ABCA12: variants seen among roughly 807,000 people sequenced by gnomAD.
ABCA12 encodes glucosylceramide transporter ABCA12.
Under a neutral mutation model 293.5 loss-of-function variants are expected in ABCA12, and 156 were observed. The observed-to-expected ratio is 0.53, with a 90% CI of 0.47 to 0.61. The LOEUF (loss-of-function observed/expected upper bound fraction) is 0.61. Ranked by LOEUF, ABCA12 falls within the 20% of genes least tolerant of loss-of-function variation. The pLI, the probability that ABCA12 is intolerant of heterozygous loss-of-function variation, is 0.00. For synonymous variants in ABCA12, 1,063 were observed against 1,108.0 expected (o/e 0.96, Z 0.81); for missense variants, 2,797 against 3,090.2 (o/e 0.91, Z 2.25).
chr2:214,988,176 T>A (rs1699828775), intron 26 of ABCA12, among the ~76,000 whole-genome samples: 1 of 152,158 alleles, frequency 6.6e-6, no homozygotes, highest in African/African-American at 2.4e-5. Context: ...CAAACAGACA[T>A]GTGTAGACAT....
chr2:215,024,728 C>A (rs142697507), intron 11 of ABCA12, among the ~76,000 whole-genome samples: 1 of 152,248 alleles, frequency 6.6e-6, no homozygotes, highest in East Asian at 1.9e-4. Context: ...ATCTTGCTTG[C>A]CCTGAATAAA....
At chr2:214,978,726 G>GA (rs1401156511) in intron 32 of ABCA12, 78 bp downstream of exon 32, 9 of 1,494,228 alleles carry the variant, frequency 6.0e-6, no homozygotes, top group Middle Eastern at 1.9e-4. Flanking sequence ...AATTTTTTTA[G>GA]AAAAATGGCA....
chr2:215,053,940 C>A (rs887362157), intron 4 of ABCA12, among the ~76,000 whole-genome samples: 1 of 151,992 alleles, frequency 6.6e-6, no homozygotes, highest in Non-Finnish European at 1.5e-5. Context: ...CTGAATCACT[C>A]GCACCTAAGG....
intron 2 of ABCA12, among the ~76,000 whole-genome samples, chr2:215,072,666 G>C (rs1701759771): frequency 6.6e-6 from 1 of 152,206 alleles, no homozygotes; most frequent in Non-Finnish European, 1.5e-5. Context: ...TAAACAAAAT[G>C]TTTTGATTCA....
At chr2:214,978,227 T>G (rs966328669) in intron 33 of ABCA12, 89 bp downstream of exon 33, 7 of 1,494,756 alleles carry the variant, frequency 4.7e-6, no homozygotes, top group African/African-American at 4.2e-5. Flanking sequence ...ACTTTAGAGT[T>G]GAATTTTTAA....
chr2:215,007,098 C>A (rs1700272102), intron 19 of ABCA12, among the ~76,000 whole-genome samples: 1 of 152,124 alleles, frequency 6.6e-6, no homozygotes, highest in Non-Finnish European at 1.5e-5. Context: ...TGGTCTTGAA[C>A]TCCCGACCTC....
Position 215,026,702 on chromosome 2 carries a change from T to C in ABCA12, c.1180+118A>G, listed in dbSNP as rs953700988. 7.1e-6 allele frequency: 6 copies of C among 844,480 alleles called. No homozygotes were observed. The South Asian group carries it at 8.0e-5, about 11-fold the overall frequency. 52.3% of individuals were successfully genotyped at this position (844,480 alleles called of 1,614,324 possible). A position where few individuals can be genotyped will look rare whatever the true frequency, so the allele number is the denominator to read the frequency against. ...ATCACCAGACTGAAACTGATGCATA[T>C]GGAAACTAAGATTTTACAAATTTTC... On this transcript the variant is annotated intron_variant, in intron 10 of 52. Coordinates refer to ENST00000272895, the MANE Select transcript of ABCA12 (RefSeq NM_173076.3).
chr2:215,100,914 T>A (rs1702344939), intron 2 of ABCA12, among the ~76,000 whole-genome samples: 1 of 152,216 alleles, frequency 6.6e-6, no homozygotes, highest in Non-Finnish European at 1.5e-5. Flanking sequence ...CTGGGTTCCC[T>A]GGGCATGTAA....
chr2:214,990,050 G>A (rs2105975865), intron 24 of ABCA12, among the ~76,000 whole-genome samples: 1 of 152,268 alleles, frequency 6.6e-6, no homozygotes, highest in South Asian at 2.1e-4. Flanking sequence ...TCAGTTGATT[G>A]AATATTGATA....
chr2:214,945,242 A>T, intron 48 of ABCA12, 138 bp from the exon 49 acceptor site: 1 of 696,190 alleles, frequency 1.4e-6, no homozygotes, highest in Non-Finnish European at 2.5e-6. Flanking sequence ...TATACTTAAT[A>T]GACTTCTTTC....
chr2:214,989,061 C>T (rs1699850403), intron 26 of ABCA12, among the ~76,000 whole-genome samples: 1 of 149,462 alleles, frequency 6.7e-6, no homozygotes, highest in African/African-American at 2.5e-5. Context: ...TGCCTATAAT[C>T]CCAGCTACTT....
Position 215,134,526 on chromosome 2 carries a change from A to ATGTATATATGTACATATATG in ABCA12, c.69+3613_69+3614insCATATATGTACATATATACA. Among the ~76,000 whole-genome samples, 154 of 137,130 alleles carry ATGTATATATGTACATATATG rather than the reference A, an allele frequency of 1.1e-3. 6 individuals carry two copies. Among genetic ancestry groups the ATGTATATATGTACATATATG allele is most frequent in the African/African-American group, 4.2e-3 (144 of 33,982 alleles). The allele number at this position is 137,130 out of a possible 152,430, so 90.0% of individuals were successfully genotyped here. A position where few individuals can be genotyped will look rare whatever the true frequency, so the allele number is the denominator to read the frequency against. ...TATGCGTATGTATATGTGTATATAT[A>ATGTATATATGTACATATATG]CGTATATATGTACATATATACGTAT... On this transcript the variant is annotated intron_variant, in intron 1 of 52. Coordinates refer to ENST00000272895, the MANE Select transcript of ABCA12 (RefSeq NM_173076.3).
chr2:215,009,812 A>G (rs139286700), intron 18 of ABCA12, among the ~76,000 whole-genome samples: 176 of 152,330 alleles, frequency 1.2e-3, no homozygotes, highest in African/African-American at 4.1e-3. Context: ...AGAGGGAAAT[A>G]CTATTATGGT....
chr2:215,011,863 T>C (rs1325561233), intron 16 of ABCA12, 108 bp downstream of exon 16: 1 of 1,244,652 alleles, frequency 8.0e-7, no homozygotes, highest in Non-Finnish European at 1.1e-6. Flanking sequence ...CTTGTAGGTG[T>C]TGTTTTTTTT....
chr2:215,073,244 C>T (rs1216599300), intron 2 of ABCA12, among the ~76,000 whole-genome samples: 3 of 152,078 alleles, frequency 2.0e-5, no homozygotes, highest in East Asian at 1.9e-4. Context: ...CAAAGATTCA[C>T]GATTGCATTT....
At chr2:214,988,687 C>T (rs1426577790) in intron 26 of ABCA12, among the ~76,000 whole-genome samples, 1 of 152,066 alleles carries the variant, frequency 6.6e-6, no homozygotes, top group Non-Finnish European at 1.5e-5. Flanking sequence ...CCCTTATTAT[C>T]TCTCACACTC....
At chr2:215,039,496 C>T in intron 7 of ABCA12, among the ~76,000 whole-genome samples, 1 of 152,148 alleles carries the variant, frequency 6.6e-6, no homozygotes, top group East Asian at 1.9e-4. Context: ...TGGCTCATGC[C>T]TGTATTCCCA....
intron 17 of ABCA12, 140 bp downstream of exon 17, chr2:215,011,299 G>C (rs961728828): frequency 1.5e-6 from 1 of 687,622 alleles, no homozygotes; most frequent in Non-Finnish European, 2.5e-6. Flanking sequence ...TTGACATGTG[G>C]TAAGTGCTGT....
intron 28 of ABCA12, among the ~76,000 whole-genome samples, chr2:214,984,365 GGATTACAGGCAT>G (rs1187799172): frequency 6.6e-6 from 1 of 152,078 alleles, no homozygotes; most frequent in Admixed American, 6.5e-5. Context: ...CAAAGTGCTG[GGATTACAGGCAT>G]GAGCCACTGC....
Sources: gnomAD v4.1 joint callset for allele counts (sites outside exome capture counted in the v4.1 genomes callset) on GRCh38, gnomAD v4.1.1 for gene constraint, MANE v1.5 for transcripts, NCBI Gene and HGNC (gene_info 2026-07-23, HGNC 2026-07-21) for gene names.